The following PNLDC1 variants were observed in gnomAD, a reference collection of about 807,000 sequenced individuals.
PNLDC1 encodes the protein poly(A)-specific ribonuclease PNLDC1.
In PNLDC1, 70 loss-of-function variants were observed where a neutral mutation model predicts 82.0. That is an observed-to-expected ratio of 0.85 (90% confidence interval 0.70 to 1.04). PNLDC1 has a LOEUF of 1.04. PNLDC1 is among the 50% of genes least tolerant of loss of function. The probability of loss-of-function intolerance (pLI) is 0.00; values close to 1 mark genes in which losing one functional copy is unlikely to be tolerated. For synonymous variants in PNLDC1, 280 were observed against 249.3 expected (o/e 1.12, Z -1.16); for missense variants, 631 against 661.1 (o/e 0.95, Z 0.50).
intron 6 of PNLDC1, 59 bp from the exon 7 acceptor site, chr6:159,805,924 G>C: frequency 8.0e-7 from 1 of 1,246,266 alleles, no homozygotes; most frequent in Non-Finnish European, 1.2e-6. Flanking sequence ...TGTTAACATA[G>C]TCTTGCGGTT....
chr6:159,818,804 A>G, intron 16 of PNLDC1, 142 bp from the exon 17 acceptor site: 1 of 1,201,486 alleles, frequency 8.3e-7, no homozygotes, highest in South Asian at 1.4e-5. Context: ...TTTCTCCACT[A>G]AAGCCAACAT....
chr6:159,803,148 T>C, intron 3 of PNLDC1, 123 bp from the exon 4 acceptor site: 1 of 730,154 alleles, frequency 1.4e-6, no homozygotes, highest in East Asian at 2.6e-5. Flanking sequence ...AAAGATGTTA[T>C]CCTGTTGTAC....
In PNLDC1 at chr6:159,806,021, A is replaced by C. The variant is rs146392472; in HGVS notation, c.500A>C (p.Glu167Ala). The C allele has an allele frequency of 5.9e-3, 9,570 of 1,614,124 alleles. 67 individuals carry two copies. Among genetic ancestry groups the C allele is most frequent in the South Asian group, 0.018 (1,642 of 91,078 alleles). Reference sequence around the variant, plus strand: ...GACCAAATCAAGGTGGTGATTGACGAAGTGACGCGGTGGCTGGAGCTGGCC... The same window carrying C: ...GACCAAATCAAGGTGGTGATTGACGCAGTGACGCGGTGGCTGGAGCTGGCC... ...DKDQIKVVID[E>A]VTRWLELAKE... Residue 167 changes from glutamate to alanine, a missense_variant, in exon 7 of 19, where the codon GAA (glutamate) becomes GCA (alanine). Physicochemically the swap from Glu to Ala is moderately radical, Grantham distance 107. Coordinates refer to ENST00000392167, the MANE Select transcript of PNLDC1 (RefSeq NM_001271862.2).
intron 3 of PNLDC1, among the ~76,000 whole-genome samples, chr6:159,801,912 G>C (rs1433315602): frequency 6.6e-6 from 1 of 152,070 alleles, no homozygotes; most frequent in Non-Finnish European, 1.5e-5. Flanking sequence ...TTCTGAGATG[G>C]AGTCTCGCTC....
At chr6:159,799,939 C>T (rs1781171433), upstream of PNLDC1, among the ~76,000 whole-genome samples, 1 of 152,170 alleles carries the variant, frequency 6.6e-6, no homozygotes, top group African/African-American at 2.4e-5. Context: ...CGGTGTTGTT[C>T]CTGCTCCGCT....
chr6:159,804,707 G>T (rs75248035), intron 6 of PNLDC1, 70 bp downstream of exon 6: 2 of 1,227,218 alleles, frequency 1.6e-6, no homozygotes, highest in Admixed American at 1.8e-5. Flanking sequence ...GTGGGCGGGC[G>T]TGCCGTTTCC....
At chr6:159,804,422 G>A in intron 5 of PNLDC1, 127 bp from the exon 6 acceptor site, 1 of 697,696 alleles carries the variant, frequency 1.4e-6, no homozygotes, top group Non-Finnish European at 2.5e-6. Context: ...TCTTACAAGT[G>A]ATCTAGACGA....
chr6:159,820,519 TGCAGCGA>T lies in PNLDC1; in HGVS notation c.*4_*10del. 6.2e-7 allele frequency: 1 copy of T among 1,614,108 alleles called. No homozygotes were observed. Among genetic ancestry groups the T allele is most frequent in the African/African-American group, 1.3e-5 (1 of 75,030 alleles). ...ATCCTTGGAAGATCTGGTACCTGAG[TGCAGCGA>T]GGCCTCCTGCGGCCACCCTCGGGTC... is the stretch of plus-strand genomic sequence containing the variant. On this transcript the variant is annotated 3_prime_UTR_variant, in exon 19 of 19. Coordinates refer to ENST00000392167, the MANE Select transcript of PNLDC1 (RefSeq NM_001271862.2).
intron 3 of PNLDC1, 117 bp downstream of exon 3, chr6:159,801,303 C>T: frequency 9.8e-7 from 1 of 1,016,268 alleles, no homozygotes; most frequent in South Asian, 1.3e-5. Context: ...GTTTTGTATG[C>T]TTGTTTTGTG....
At chr6:159,801,630 C>T (rs556920351) in intron 3 of PNLDC1, among the ~76,000 whole-genome samples, 1 of 152,116 alleles carries the variant, frequency 6.6e-6, no homozygotes, top group Admixed American at 6.5e-5. Flanking sequence ...ATTTTTTGTT[C>T]AGATGGGTTT....
In PNLDC1 at chr6:159,809,096, A is replaced by G. The variant is rs752424414; in HGVS notation, c.721A>G (p.Asn241Asp). The G allele has an allele frequency of 3.7e-6, 6 of 1,614,014 alleles. No individual in the cohort carries two copies. In the Admixed American group the frequency reaches 5.0e-5, roughly 13 times the overall value. ...TGACCGAGAGAGCTGTTGGAAGGAAAATATTCTTCTCTCAGCAAGGGGTTT... is the reference window on the plus strand; with the variant it reads ...TGACCGAGAGAGCTGTTGGAAGGAAGATATTCTTCTCTCAGCAAGGGGTTT... ...SCDRESCWKENILLSARGFSV... is the reference protein window; with the variant it reads ...SCDRESCWKEDILLSARGFSV... Residue 241 changes from asparagine to aspartate, a missense_variant, in exon 9 of 19, where the codon AAT (asparagine) becomes GAT (aspartate). By Grantham distance (23) the Asn-to-Asp change is conservative. Transcript: ENST00000392167.
rs1434125903 is a variant in PNLDC1, at chr6:159,819,330, C to T, written c.1510C>T (p.Pro504Ser). The part of the protein sequence containing the change: ...ISLYRYWRHS[P>S]NVNCLLQVCG... ...CCTGTACCGCTACTGGAGGCACTCC[C>T]CAAACGTCAACTGCCTGCTCCAGTA... Residue 504 changes from proline (P) to serine (S), a missense_variant, in exon 18 of 19, where the codon CCA becomes TCA. Coordinates refer to ENST00000392167, the MANE Select transcript of PNLDC1 (RefSeq NM_001271862.2). The surrounding 1 kb of genome is among the most constrained non-coding windows in gnomAD (Gnocchi z 4.6). The T allele has an allele frequency of 1.9e-6, 3 of 1,613,724 alleles. No individual in the cohort carries two copies. Among genetic ancestry groups the T allele is most frequent in the South Asian group, 1.1e-5 (1 of 91,084 alleles).
chr6:159,801,578 A>G (rs545553270), intron 3 of PNLDC1, among the ~76,000 whole-genome samples: 92 of 152,084 alleles, frequency 6.0e-4, no homozygotes, highest in South Asian at 3.1e-3. Context: ...TCCTGAGTAA[A>G]CTGGGACTAC....
Position 159,816,014 on chromosome 6 carries a change from G to T in PNLDC1, c.1041G>T (p.Ala347=). Residue 347 remains alanine (A), a synonymous_variant, in exon 13 of 19, where the codon GCG becomes GCT. Coordinates refer to ENST00000392167, the MANE Select transcript of PNLDC1 (RefSeq NM_001271862.2). The stretch of plus-strand genomic sequence containing the variant: ...ATTCTGGACCAGAGATTGTTCACGC[G>T]AGCAGGTGTGAGAAATATGGTACGT... ...TKNSGPEIVH[A]SRCEKYVETK... 1.9e-6 allele frequency: 3 copies of T among 1,612,688 alleles called. No homozygotes were observed. Among genetic ancestry groups the T allele is most frequent in the Non-Finnish European group, 2.5e-6 (3 of 1,179,518 alleles).
chr6:159,804,718 A>G (rs1349433738), intron 6 of PNLDC1, 81 bp downstream of exon 6: 4 of 1,060,868 alleles, frequency 3.8e-6, no homozygotes, highest in Non-Finnish European at 5.7e-6. Flanking sequence ...TGCCGTTTCC[A>G]GGAGTGTGGT....
At chr6:159,817,661 C>T (rs1399229506) in intron 15 of PNLDC1, among the ~76,000 whole-genome samples, 5 of 152,220 alleles carry the variant, frequency 3.3e-5, no homozygotes, top group Non-Finnish European at 7.3e-5. Context: ...GCCTGCAGCC[C>T]TGGGCACGTA....
chr6:159,804,018 T>TGGGATTTG lies in PNLDC1; in HGVS notation c.304_305insGATTTGGG (p.Asp102GlyfsTer17). Reference sequence around the variant, plus strand: ...CTCTTCCCTACAACGTTTGGGATTTTGGACTCAGAATTCTCCTTCCAGGCT... The same window carrying TGGGATTTG: ...CTCTTCCCTACAACGTTTGGGATTTTGGGATTTGGGACTCAGAATTCTCCTTCCAGGCT... On this transcript the variant is annotated frameshift_variant, in exon 5 of 19. Coordinates refer to ENST00000392167, the MANE Select transcript of PNLDC1 (RefSeq NM_001271862.2). LOFTEE classifies it high-confidence loss of function. 6.2e-7 allele frequency: 1 copy of TGGGATTTG among 1,613,894 alleles called. No homozygotes were observed. The highest frequency in any genetic ancestry group is 8.5e-7 in the Non-Finnish European group (1 of 1,179,718).
chr6:159,818,431 C>A, intron 15 of PNLDC1, 124 bp from the exon 16 acceptor site: 2 of 809,822 alleles, frequency 2.5e-6, no homozygotes, highest in South Asian at 1.5e-5. Flanking sequence ...CTTGTGAGGG[C>A]AGGAGGGAGG....
intron 4 of PNLDC1, among the ~76,000 whole-genome samples, chr6:159,803,682 C>G (rs79950243): frequency 0.022 from 3,301 of 152,302 alleles, 134 homozygotes; most frequent in African/African-American, 0.075. Context: ...CTCCCCACCC[C>G]CCATGAGCAG....
Sources: allele counts gnomAD v4.1 joint callset (sites outside exome capture counted in the v4.1 genomes callset), GRCh38; gene constraint gnomAD v4.1.1; non-coding constraint Gnocchi (gnomAD v3.1); transcripts MANE v1.5; gene names NCBI Gene and HGNC (gene_info 2026-07-23, HGNC 2026-07-21).